HTR1D: variants seen among roughly 807,000 people sequenced by gnomAD.
HTR1D encodes the protein 5-HT-1D.
HTR1D carries 18 observed loss-of-function variants against 21.1 expected under a neutral mutation model. The ratio of observed to expected loss-of-function variants is 0.85; its 90% confidence interval spans 0.59 to 1.27. HTR1D has a LOEUF of 1.27. Among genes scored for constraint, HTR1D ranks in the 50% most tolerant of loss-of-function variants. The pLI, the probability that HTR1D is intolerant of heterozygous loss-of-function variation, is 0.00. For missense variants in HTR1D, 456 were observed against 481.4 expected (o/e 0.95, Z 0.49); for synonymous variants, 196 against 204.4 (o/e 0.96, Z 0.35).
chr1:23,208,761 C>A (rs1053670703), intron 1 of HTR1D, among the ~76,000 whole-genome samples: 14 of 152,070 alleles, frequency 9.2e-5, no homozygotes, highest in African/African-American at 3.4e-4. Context: ...TGGCTCCCAG[C>A]CACACAGGTA....
chr1:23,202,953 C>T (rs567810888), intron 1 of HTR1D, among the ~76,000 whole-genome samples: 1 of 152,108 alleles, frequency 6.6e-6, no homozygotes, highest in East Asian at 1.9e-4. Flanking sequence ...CTCACTCTGT[C>T]ACCAAGGCTG....
chr1:23,205,331 T>C (rs903303972), intron 1 of HTR1D, among the ~76,000 whole-genome samples: 3 of 151,958 alleles, frequency 2.0e-5, no homozygotes, highest in Non-Finnish European at 4.4e-5. Context: ...ATCTGACGAA[T>C]CACCTCTAAA....
intron 1 of HTR1D, among the ~76,000 whole-genome samples, chr1:23,203,017 C>T (rs1256278262): frequency 2.6e-5 from 4 of 151,960 alleles, no homozygotes; most frequent in East Asian, 1.9e-4. Flanking sequence ...CAGGTTCAGG[C>T]GATTCTCCTG....
chr1:23,212,825 TC>T (rs1644758824), intron 1 of HTR1D, among the ~76,000 whole-genome samples: 1 of 107,868 alleles, frequency 9.3e-6, no homozygotes, highest in African/African-American at 4.3e-5. Context: ...CCTGAGTGCC[TC>T]TTTTTTTTTT....
At chr1:23,199,024 T>C (rs1361785520) in intron 1 of HTR1D, among the ~76,000 whole-genome samples, 2 of 131,626 alleles carry the variant, frequency 1.5e-5, no homozygotes, top group Non-Finnish European at 3.3e-5. Flanking sequence ...CCCGGCTAAT[T>C]TTTGTATTTT....
intron 1 of HTR1D, among the ~76,000 whole-genome samples, chr1:23,209,495 AG>A (rs1331714596): frequency 4.3e-5 from 2 of 46,972 alleles, no homozygotes; most frequent in African/African-American, 9.4e-5. Flanking sequence ...TTGGGACAGT[AG>A]GGGGGGAGGG....
At chr1:23,203,049 G>C (rs1644716019) in intron 1 of HTR1D, among the ~76,000 whole-genome samples, 1 of 152,032 alleles carries the variant, frequency 6.6e-6, no homozygotes, top group Non-Finnish European at 1.5e-5. Flanking sequence ...GGAGTAGCCG[G>C]CCACCACGCC....
In HTR1D at chr1:23,194,360, C is replaced by G; in HGVS notation, c.-141G>C. On this transcript the variant is annotated 5_prime_UTR_variant, in exon 2 of 2. Coordinates refer to ENST00000374619, the MANE Select transcript of HTR1D (RefSeq NM_000864.5). ...AGAACAGACCACAGTGAAAAGGTCT[C>G]AAGACCAGACTATTCTCTAAGTACA... The G allele has an allele frequency of 1.6e-6, 1 of 642,066 alleles. No individual in the cohort carries two copies. The highest frequency in any genetic ancestry group is 1.8e-5 in the African/African-American group (1 of 55,282). 39.8% of individuals were successfully genotyped at this position (642,066 alleles called of 1,614,324 possible). A position where few individuals can be genotyped will look rare whatever the true frequency, so the allele number is the denominator to read the frequency against.
At chr1:23,210,236 C>T (rs1644748729) in intron 1 of HTR1D, among the ~76,000 whole-genome samples, 1 of 152,152 alleles carries the variant, frequency 6.6e-6, no homozygotes, top group Admixed American at 6.5e-5. Flanking sequence ...TGCCACCATG[C>T]CCGGCTAATT....
At chr1:23,209,217 T>A (rs1397391928) in intron 1 of HTR1D, among the ~76,000 whole-genome samples, 2 of 152,128 alleles carry the variant, frequency 1.3e-5, no homozygotes, top group African/African-American at 4.8e-5. Context: ...TAGGCTGGTC[T>A]CCAAATCCTG....
chr1:23,206,723 C>T (rs193150453), intron 1 of HTR1D, among the ~76,000 whole-genome samples: 10 of 152,274 alleles, frequency 6.6e-5, no homozygotes, highest in African/African-American at 2.2e-4. Flanking sequence ...CCCCCAAGCC[C>T]GGCTTGGCTC....
At position 23,193,395 on chromosome 1, in the gene HTR1D, G is replaced by T; in HGVS notation, c.825C>A (p.Asn275Lys). 1 of 1,614,192 alleles carries T rather than the reference G, an allele frequency of 6.2e-7. No homozygotes were observed. Among genetic ancestry groups the T allele is most frequent in the Non-Finnish European group, 8.5e-7 (1 of 1,180,038 alleles). The stretch of plus-strand genomic sequence containing the variant: ...TGTCAGCAAGCTTGATTTTCACGTG[G>T]TTGAAAAAGAGAGGGGAGCCAGCCG... Reference protein sequence around the residue: ...SHSAGSPLFFNHVKIKLADSA... With the variant: ...SHSAGSPLFFKHVKIKLADSA... Residue 275 changes from asparagine (N) to lysine (K), a missense_variant, in exon 2 of 2, where the codon AAC (asparagine) becomes AAA (lysine). Physicochemically the swap from Asn to Lys is moderately conservative, Grantham distance 94. Transcript: ENST00000374619.
chr1:23,202,707 G>A (rs1644714835), intron 1 of HTR1D, among the ~76,000 whole-genome samples: 1 of 152,162 alleles, frequency 6.6e-6, no homozygotes. Flanking sequence ...GTGAGCTCTG[G>A]ATGGAGAAAT....
chr1:23,198,802 A>C (rs1314514110), intron 1 of HTR1D, among the ~76,000 whole-genome samples: 1 of 152,246 alleles, frequency 6.6e-6, no homozygotes, highest in Non-Finnish European at 1.5e-5. Context: ...CAAAACCATA[A>C]GGAAAAGCAA....
intron 1 of HTR1D, among the ~76,000 whole-genome samples, chr1:23,202,393 A>T (rs1368595757): frequency 3.3e-5 from 5 of 152,214 alleles, no homozygotes. Context: ...GCACCTGGCC[A>T]GCAAAAGCTG....
At chr1:23,197,941 C>A (rs188272023) in intron 1 of HTR1D, among the ~76,000 whole-genome samples, 1 of 151,568 alleles carries the variant, frequency 6.6e-6, no homozygotes, top group Admixed American at 6.6e-5. Context: ...TAGAAAAGTA[C>A]AACATTTTAA....
In HTR1D at chr1:23,194,484, AG is replaced by A. The variant is rs897237839; in HGVS notation, c.-266del. 4.3e-6 allele frequency: 1 copy of A among 231,992 alleles called. No individual in the cohort carries two copies. The highest frequency in any genetic ancestry group is 2.3e-5 in the African/African-American group (1 of 43,232). 14.4% of individuals were successfully genotyped at this position (231,992 alleles called of 1,614,324 possible). A position where few individuals can be genotyped will look rare whatever the true frequency, so the allele number is the denominator to read the frequency against. On this transcript the variant is annotated 5_prime_UTR_variant, in exon 2 of 2. It introduces an in-frame stop codon into an upstream open reading frame of the 5' UTR. Coordinates refer to ENST00000374619, the MANE Select transcript of HTR1D (RefSeq NM_000864.5). ...GAGACAACTACCAGCTGGTAGTTAAAGGTCTTTCCTAAACCACAGGAATCCC... is the reference window on the plus strand; with the variant it reads ...GAGACAACTACCAGCTGGTAGTTAAAGTCTTTCCTAAACCACAGGAATCCC...
rs962713657 is a variant in HTR1D at position 23,194,601 on chromosome 1, C to A, written c.-382G>T. On this transcript the variant is annotated 5_prime_UTR_variant, in exon 2 of 2. Coordinates refer to ENST00000374619, the MANE Select transcript of HTR1D (RefSeq NM_000864.5). Reference sequence around the variant, plus strand: ...TTGTTAGACAATTATCAGGGGATCACACCCAGGTGGGCAATGCCCTGGGAT... The same window carrying A: ...TTGTTAGACAATTATCAGGGGATCAAACCCAGGTGGGCAATGCCCTGGGAT... 4 of 171,122 alleles carry A rather than the reference C, an allele frequency of 2.3e-5. No individual in the cohort carries two copies. Among genetic ancestry groups the A allele is most frequent in the African/African-American group, 9.6e-5 (4 of 41,508 alleles). 10.6% of individuals were successfully genotyped at this position (171,122 alleles called of 1,614,324 possible).
chr1:23,201,157 G>A (rs1384099036), intron 1 of HTR1D, among the ~76,000 whole-genome samples: 1 of 152,218 alleles, frequency 6.6e-6, no homozygotes, highest in Admixed American at 6.5e-5. Flanking sequence ...ATTTAGAATG[G>A]AGACCATGGG....
Sources: gnomAD v4.1 joint callset for allele counts (sites outside exome capture counted in the v4.1 genomes callset) on GRCh38, gnomAD v4.1.1 for gene constraint, MANE v1.5 for transcripts, NCBI Gene and HGNC (gene_info 2026-07-23, HGNC 2026-07-21) for gene names.